The following PXN variants were observed in gnomAD, a reference collection of about 807,000 sequenced individuals.
The protein encoded by PXN is testicular tissue protein Li 134.
PXN carries 61 observed loss-of-function variants against 103.6 expected under a neutral mutation model. That is an observed-to-expected ratio of 0.59 (90% CI 0.48 to 0.73). PXN has a LOEUF of 0.73. PXN is among the 30% of genes least tolerant of loss of function. The pLI, the probability that PXN is intolerant of heterozygous loss-of-function variation, is 0.00. For missense variants in PXN, 1,274 were observed against 1,460.3 expected (o/e 0.87, Z 2.08); for synonymous variants, 562 against 607.8 (o/e 0.92, Z 1.11).
At position 120,213,571 on chromosome 12, in the gene PXN, A is replaced by C. The variant is rs936577758; in HGVS notation, c.2979+271T>G. On this transcript the variant is annotated intron_variant, in intron 14 of 14. Coordinates refer to ENST00000637617, the MANE Select transcript of PXN (RefSeq NM_001385981.1). This position sits in a 1 kb window ranked among gnomAD's most constrained non-coding sequence, Gnocchi z 4.2. ...ACTTGCATTATCTCATTTAGTTCTCACACACTCTCCTCCCAAATAGGAATG... is the reference window on the plus strand; with the variant it reads ...ACTTGCATTATCTCATTTAGTTCTCCCACACTCTCCTCCCAAATAGGAATG... Among the ~76,000 whole-genome samples, 4 of 152,190 alleles carry C rather than the reference A, an allele frequency of 2.6e-5. No individual in the cohort carries two copies. Among genetic ancestry groups the C allele is most frequent in the Admixed American group, 6.5e-5 (1 of 15,278 alleles).
chr12:120,227,344 T>A (rs1042212527), intron 1 of PXN, among the ~76,000 whole-genome samples: 13 of 152,058 alleles, frequency 8.5e-5, no homozygotes, highest in African/African-American at 2.9e-4. Flanking sequence ...CTACAAAAAA[T>A]TTAAAAATTA....
chr12:120,230,901 G>A (rs1304513775), intron 1 of PXN, among the ~76,000 whole-genome samples: 1 of 152,188 alleles, frequency 6.6e-6, no homozygotes, highest in East Asian at 1.9e-4. Flanking sequence ...GGCCTTCCCT[G>A]CCAATTTGGG....
chr12:120,231,917 A>G (rs2136419853), intron 1 of PXN, among the ~76,000 whole-genome samples: 2 of 152,374 alleles, frequency 1.3e-5, no homozygotes, highest in East Asian at 3.9e-4. Context: ...GAGCTTAAGC[A>G]ACAGCAGGTG....
intron 1 of PXN, chr12:120,264,109 A>C (rs1328381627): frequency 6.6e-6 from 1 of 152,196 alleles, no homozygotes; most frequent in African/African-American, 2.4e-5. Flanking sequence ...CAAAGGCAGA[A>C]CCACGCTTGG....
At position 120,214,343 on chromosome 12, in the gene PXN, G is replaced by T; in HGVS notation, c.2749-126C>A. 1.3e-6 allele frequency: 1 copy of T among 792,356 alleles called. No homozygotes were observed. Among genetic ancestry groups the T allele is most frequent in the Non-Finnish European group, 2.1e-6 (1 of 481,842 alleles). 49.1% of individuals were successfully genotyped at this position (792,356 alleles called of 1,614,324 possible). A position where few individuals can be genotyped will look rare whatever the true frequency, so the allele number is the denominator to read the frequency against. ...ACAGAGCAAAACACTCCCAAGATGG[G>T]GGTCTCTCCTAATTGTGCTGTGAAT... On this transcript the variant is annotated intron_variant, in intron 12 of 14. Transcript: ENST00000637617. The surrounding 1 kb of genome is among the most constrained non-coding windows in gnomAD (Gnocchi z 5.0).
intron 1 of PXN, among the ~76,000 whole-genome samples, chr12:120,238,286 C>T (rs1489547628): frequency 2.6e-5 from 4 of 152,148 alleles, no homozygotes; most frequent in African/African-American, 4.8e-5. Context: ...GAGACCACGT[C>T]GTAGTTAGCC....
Position 120,261,419 on chromosome 12 carries a change from G to A in PXN, c.13+4198C>T, listed in dbSNP as rs151221705. 5.8e-3 allele frequency among the ~76,000 whole-genome samples: 876 copies of A among 152,174 alleles called. 5 individuals carry two copies. The highest frequency in any genetic ancestry group is 0.01 in the Middle Eastern group (3 of 294). ...TTGGCCAGGCTGGTCTTGAACTCCT[G>A]ACCTCAAAAGATGCACCCACTTCAG... On this transcript the variant is annotated intron_variant, in intron 1 of 14. Transcript: ENST00000637617.
Position 120,215,223 on chromosome 12 carries a change from CG to C in PXN, c.2453del (p.Pro818ArgfsTer18). ...TGSSSPPGGP[P>X]KPGSQLDSML... ...TGCTGTCCAGCTGGCTCCCGGGCTT[CG>C]GGGGCCCCCCAGGGGGTGAGCTGCT... On this transcript the variant is annotated frameshift_variant, in exon 11 of 15. Transcript: ENST00000637617. LOFTEE classifies it high-confidence loss of function. The surrounding 1 kb of genome is among the most constrained non-coding windows in gnomAD (Gnocchi z 4.9). 3.8e-6 allele frequency: 6 copies of C among 1,593,576 alleles called. No individual in the cohort carries two copies. Among genetic ancestry groups the C allele is most frequent in the Non-Finnish European group, 5.1e-6 (6 of 1,170,334 alleles).
chr12:120,230,646 T>TTCCCC (rs889576698), intron 1 of PXN, among the ~76,000 whole-genome samples: 1 of 141,898 alleles, frequency 7.0e-6, no homozygotes. Context: ...TGGCTCCAAG[T>TTCCCC]TCCCCTCCCC....
chr12:120,263,872 AACAGCACGGGG>A (rs1894263431), intron 1 of PXN, among the ~76,000 whole-genome samples: 1 of 152,218 alleles, frequency 6.6e-6, no homozygotes, highest in Non-Finnish European at 1.5e-5. Flanking sequence ...CAGTCCTTGA[AACAGCACGGGG>A]ACTGCCGAGA....
In PXN at chr12:120,213,489, C is replaced by A. The variant is rs578131928; in HGVS notation, c.2979+353G>T. 1.1e-3 allele frequency among the ~76,000 whole-genome samples: 168 copies of A among 152,358 alleles called. No homozygotes were observed. Among genetic ancestry groups the A allele is most frequent in the Non-Finnish European group, 1.9e-3 (128 of 68,036 alleles). On this transcript the variant is annotated intron_variant, in intron 14 of 14. Coordinates refer to ENST00000637617, the MANE Select transcript of PXN (RefSeq NM_001385981.1). The surrounding 1 kb of genome is among the most constrained non-coding windows in gnomAD (Gnocchi z 4.2). The stretch of plus-strand genomic sequence containing the variant: ...TGAATCATTAATAACCCCTGTGGGG[C>A]CCCCAGAATGCAGTGGTTTTGGAAA...
chr12:120,215,631 C>G lies in PXN; in HGVS notation c.2332G>C (p.Glu778Gln). The G allele has an allele frequency of 6.2e-7, 1 of 1,612,162 alleles. No individual in the cohort carries two copies. The highest frequency in any genetic ancestry group is 8.5e-7 in the Non-Finnish European group (1 of 1,179,312). The change falls in exon 10 of 15, where the codon GAG becomes CAG. Residue 778 changes from glutamate to glutamine, a missense_variant. Around this residue, in one of 2 missense-constraint regions of PXN, gnomAD observed 1,178 missense variants for 1,309.0 expected, o/e 0.90. Coordinates refer to ENST00000637617, the MANE Select transcript of PXN (RefSeq NM_001385981.1). This position sits in a 1 kb window ranked among gnomAD's most constrained non-coding sequence, Gnocchi z 4.9. ...GGCCAGCCGGCCGCCCAGCACCGCT[C>G]CCCATCCGCTCTTTGCTCCAGGCCC... ...IQGLEQRADGERCWAAGWPRD... is the reference protein window; with the variant it reads ...IQGLEQRADGQRCWAAGWPRD...
Position 120,231,172 on chromosome 12 carries a change from T to A in PXN, c.14-6795A>T, listed in dbSNP as rs1250461372. Reference sequence around the variant, plus strand: ...CTCTAACCTCTCTGGATGTCTTCTCTATCAAGAAAATGGGCAGAACCCGAT... The same window carrying A: ...CTCTAACCTCTCTGGATGTCTTCTCAATCAAGAAAATGGGCAGAACCCGAT... On this transcript the variant is annotated intron_variant, in intron 1 of 14. Transcript: ENST00000637617. Among the ~76,000 whole-genome samples, 5 of 152,192 alleles carry A rather than the reference T, an allele frequency of 3.3e-5. 1 individual carries two copies. Among genetic ancestry groups the A allele is most frequent in the Non-Finnish European group, 5.9e-5 (4 of 68,040 alleles).
Position 120,217,103 on chromosome 12 carries a change from A to T in PXN, c.1730T>A (p.Ile577Asn), listed in dbSNP as rs749453784. ...GTGGCCAGACTCCCAGCTCCTCCTGATCACAGATCGGATCTAGGGGGAGGG... is the reference window on the plus strand; with the variant it reads ...GTGGCCAGACTCCCAGCTCCTCCTGTTCACAGATCGGATCTAGGGGGAGGG... ...ISTSGQIRSV[I>N]RRSWESGHAH... The change falls in exon 8 of 15, where the codon ATC (isoleucine) becomes AAC (asparagine). Residue 577 changes from isoleucine (I) to asparagine (N), a missense_variant. This residue lies in a region of PXN where 1,178 missense variants were observed against 1,309.0 expected (regional missense o/e 0.90). Transcript: ENST00000637617. The surrounding 1 kb of genome is among the most constrained non-coding windows in gnomAD (Gnocchi z 4.1). 10 of 1,588,500 alleles carry T rather than the reference A, an allele frequency of 6.3e-6. No individual in the cohort carries two copies. The Admixed American group carries it at 1.7e-4, about 27-fold the overall frequency.
chr12:120,252,730 T>C (rs1412631099), intron 1 of PXN, among the ~76,000 whole-genome samples: 1 of 152,174 alleles, frequency 6.6e-6, no homozygotes, highest in African/African-American at 2.4e-5. Flanking sequence ...AATACAAGGC[T>C]GGAGCTATTG....
intron 2 of PXN, 78 bp from the exon 3 acceptor site, chr12:120,223,911 C>T (rs543726830): frequency 1.8e-6 from 2 of 1,139,536 alleles, no homozygotes; most frequent in East Asian, 2.6e-5. Flanking sequence ...CCAGTCACCC[C>T]CAGGAGGCTC....
Position 120,216,625 on chromosome 12 carries a change from A to C in PXN, c.1993-44T>G. On this transcript the variant is annotated intron_variant, in intron 8 of 14. Transcript: ENST00000637617. The surrounding 1 kb of genome is among the most constrained non-coding windows in gnomAD (Gnocchi z 5.1). ...GGAGAGCGATGAGGAAGAAATCGCC[A>C]GCTCAGCCCACAGGGGTGGCGGGAC... 3 of 1,521,804 alleles carry C rather than the reference A, an allele frequency of 2.0e-6. No individual in the cohort carries two copies. The highest frequency in any genetic ancestry group is 1.7e-6 in the Non-Finnish European group (2 of 1,151,562). The allele number at this position is 1,521,804 out of a possible 1,614,324, so 94.3% of individuals were successfully genotyped here.
intron 1 of PXN, among the ~76,000 whole-genome samples, chr12:120,233,916 G>A (rs932109077): frequency 6.6e-6 from 1 of 152,190 alleles, no homozygotes; most frequent in South Asian, 2.1e-4. Flanking sequence ...TGAGCCTCTC[G>A]CACAAGGATA....
intron 1 of PXN, among the ~76,000 whole-genome samples, chr12:120,255,079 G>A (rs1050574259): frequency 2.6e-5 from 4 of 152,162 alleles, no homozygotes; most frequent in African/African-American, 9.6e-5. Flanking sequence ...CAGACCGGAA[G>A]AATCTGGACA....
Sources: allele counts gnomAD v4.1 joint callset (sites outside exome capture counted in the v4.1 genomes callset), GRCh38; gene constraint gnomAD v4.1.1; regional missense constraint gnomAD v4.1.1; non-coding constraint Gnocchi (gnomAD v3.1); transcripts MANE v1.5; gene names NCBI Gene and HGNC (gene_info 2026-07-23, HGNC 2026-07-21).